MKRN1: variants seen among roughly 807,000 people sequenced by gnomAD.
MKRN1 encodes the protein E3 ubiquitin-protein ligase makorin-1.
A neutral mutation model predicts 55.5 loss-of-function variants in MKRN1; 9 were observed. The observed-to-expected ratio is 0.16, with a 90% CI of 0.10 to 0.28. The LOEUF is 0.28. Ranked by LOEUF, MKRN1 falls within the 10% of genes least tolerant of loss-of-function variation. The pLI is 1.00. For missense variants in MKRN1, 488 were observed against 626.7 expected, an observed-to-expected ratio of 0.78 and a Z score of 2.36; for synonymous variants, 253 against 235.9, an observed-to-expected ratio of 1.07 and a Z score of -0.66.
Position 140,459,231 on chromosome 7 carries a change from C to T in MKRN1, c.547G>A (p.Ala183Thr). Residue 183 changes from alanine to threonine, a missense_variant and splice_region_variant, in exon 4 of 8, where the codon GCG becomes ACG. Ala to Thr is a moderately conservative substitution (Grantham distance 58). This residue lies in a region of MKRN1 where 278 missense variants were observed against 406.7 expected (regional missense o/e 0.68). Transcript: ENST00000255977. ...VPGQPYCGRT[A>T]PSCTEAPLQG... The stretch of plus-strand genomic sequence containing the variant: ...AGGGGTGCTTCAGTGCAGGAAGGCG[C>T]AGCTGAAAATGTGTAAGAGGGTGGT... 6.2e-7 allele frequency: 1 copy of T among 1,613,794 alleles called. No individual in the cohort carries two copies. Among genetic ancestry groups the T allele is most frequent in the Non-Finnish European group, 8.5e-7 (1 of 1,179,840 alleles).
intron 2 of MKRN1, among the ~76,000 whole-genome samples, chr7:140,467,291 CTTTT>C (rs1232305712): frequency 6.6e-6 from 1 of 151,620 alleles, no homozygotes; most frequent in African/African-American, 2.4e-5. Context: ...CCCCCACTTT[CTTTT>C]AAGACGAAGT....
At chr7:140,478,443 A>C (rs1795187050) in intron 1 of MKRN1, 1 of 152,178 alleles carries the variant, frequency 6.6e-6, no homozygotes, top group Non-Finnish European at 1.5e-5. Flanking sequence ...ATTTCAAAAG[A>C]GGAACATAGC....
rs1028732547 is a variant in MKRN1 at position 140,460,592 on chromosome 7, C to T, written c.315-656G>A. Among the ~76,000 whole-genome samples, 6 of 152,214 alleles carry T rather than the reference C, an allele frequency of 3.9e-5. No homozygotes were observed. The East Asian group carries it at 5.8e-4, about 15-fold the overall frequency. On this transcript the variant is annotated intron_variant, in intron 2 of 7. Coordinates refer to ENST00000255977, the MANE Select transcript of MKRN1 (RefSeq NM_013446.4). ...CTGGGGTTACAGGTGTGAGCCACCACGTACGGCCATATATTCCTAATACAT... is the reference window on the plus strand; with the variant it reads ...CTGGGGTTACAGGTGTGAGCCACCATGTACGGCCATATATTCCTAATACAT...
chr7:140,477,419 T>C (rs1399362962), intron 1 of MKRN1, among the ~76,000 whole-genome samples: 2 of 152,118 alleles, frequency 1.3e-5, no homozygotes, highest in Non-Finnish European at 2.9e-5. Context: ...CCTCCTGGGT[T>C]CAAGCAACTC....
intron 1 of MKRN1, 176 bp downstream of exon 1, chr7:140,478,982 AGT>A: frequency 2.7e-6 from 2 of 743,744 alleles, no homozygotes; most frequent in Middle Eastern, 4.7e-4. Flanking sequence ...GGGTTGACGC[AGT>A]GACTGGGGGA....
intron 1 of MKRN1, chr7:140,475,330 C>A: frequency 2.7e-6 from 1 of 367,080 alleles, no homozygotes; most frequent in Non-Finnish European, 5.3e-6. Flanking sequence ...GCGACACAGA[C>A]TCCATCTCAG....
intron 1 of MKRN1, chr7:140,472,405 C>T (rs771952983): frequency 5.6e-6 from 1 of 178,074 alleles, no homozygotes; most frequent in African/African-American, 2.4e-5. Context: ...TGCACTCCAG[C>T]CTGGGAGACA....
At chr7:140,461,827 T>C (rs1016670607) in intron 2 of MKRN1, among the ~76,000 whole-genome samples, 12 of 151,554 alleles carry the variant, frequency 7.9e-5, no homozygotes, top group African/African-American at 2.9e-4. Context: ...CTACTAAAAA[T>C]ACAAAATTAG....
intron 4 of MKRN1, among the ~76,000 whole-genome samples, chr7:140,457,278 A>C (rs1378586291): frequency 1.6e-4 from 24 of 152,164 alleles, no homozygotes; most frequent in Non-Finnish European, 1.2e-4. Context: ...TATGCCTTTA[A>C]AGAAAAACAA....
At chr7:140,472,432 CAAA>C in intron 1 of MKRN1, 1 of 148,100 alleles carries the variant, frequency 6.8e-6, no homozygotes, top group Non-Finnish European at 1.5e-5. Flanking sequence ...GACTCCATTT[CAAA>C]AAAAAAAAAT....
At chr7:140,467,127 G>A (rs966600299) in intron 2 of MKRN1, among the ~76,000 whole-genome samples, 12 of 151,908 alleles carry the variant, frequency 7.9e-5, no homozygotes, top group Admixed American at 2.0e-4. Flanking sequence ...ACAGGCATGC[G>A]CCACCATGCT....
At chr7:140,477,118 T>A (rs60553667) in intron 1 of MKRN1, among the ~76,000 whole-genome samples, 2,951 of 121,250 alleles carry the variant, frequency 0.024, 111 homozygotes, top group African/African-American at 0.096. Flanking sequence ...AAAAAAAAAA[T>A]GATAGTTGAC....
chr7:140,478,841 C>A, intron 1 of MKRN1: 1 of 209,786 alleles, frequency 4.8e-6, no homozygotes. Flanking sequence ...GCCCACCTCT[C>A]CCCGATGCGC....
At chr7:140,474,499 A>AT (rs901038534) in intron 1 of MKRN1, 11 of 313,632 alleles carry the variant, frequency 3.5e-5, no homozygotes, top group Admixed American at 1.2e-4. Context: ...TCTCAAAAAA[A>AT]AAATAAATAA....
intron 6 of MKRN1, chr7:140,455,442 A>T: frequency 1.6e-6 from 1 of 618,274 alleles, no homozygotes; most frequent in South Asian, 2.1e-5. Context: ...GCTGGTTAAT[A>T]GCTCTAGTAC....
chr7:140,460,151 G>C (rs1439642631), intron 2 of MKRN1: 1 of 520,206 alleles, frequency 1.9e-6, no homozygotes, highest in Admixed American at 2.9e-5. Flanking sequence ...GGAGGCTGAG[G>C]TAGGAGAATC....
chr7:140,454,820 G>C, intron 7 of MKRN1, 91 bp from the exon 8 acceptor site: 1 of 1,332,708 alleles, frequency 7.5e-7, no homozygotes. Context: ...GCACACCAGA[G>C]GGCATGACGA....
rs1461686497 is a variant in MKRN1 at position 140,459,866 on chromosome 7, C to A, written c.385G>T (p.Ala129Ser). The A allele has an allele frequency of 6.2e-7, 1 of 1,613,966 alleles. No homozygotes were observed. The highest frequency in any genetic ancestry group is 1.7e-5 in the Admixed American group (1 of 60,008). Reference sequence around the variant, plus strand: ...ATCGATGAGAGACTTGAGGAAGCAGCAAGGGATGACTTTGTAGTTAGCTCT... The same window carrying A: ...ATCGATGAGAGACTTGAGGAAGCAGAAAGGGATGACTTTGTAGTTAGCTCT... ...ATELTTKSSL[A>S]ASSSLSSIVG... Residue 129 changes from alanine to serine, a missense_variant, in exon 3 of 8, where the codon GCT (alanine) becomes TCT (serine). This residue lies in a region of MKRN1 where 210 missense variants were observed against 220.0 expected (regional missense o/e 0.95). Coordinates refer to ENST00000255977, the MANE Select transcript of MKRN1 (RefSeq NM_013446.4).
At chr7:140,467,615 T>A (rs987006941) in intron 2 of MKRN1, among the ~76,000 whole-genome samples, 3 of 152,134 alleles carry the variant, frequency 2.0e-5, no homozygotes, top group African/African-American at 7.2e-5. Context: ...TGCCTCAACG[T>A]CAGAGGCTCA....
Sources: gnomAD v4.1 joint callset for allele counts (sites outside exome capture counted in the v4.1 genomes callset) on GRCh38, gnomAD v4.1.1 for gene constraint, gnomAD v4.1.1 regional missense constraint, MANE v1.5 for transcripts, NCBI Gene and HGNC (gene_info 2026-07-23, HGNC 2026-07-21) for gene names.